F3: variants seen among roughly 807,000 people sequenced by gnomAD.
F3 encodes tissue factor.
In F3, 18 loss-of-function variants were observed where a neutral mutation model predicts 33.5. The ratio of observed to expected loss-of-function variants is 0.54; its 90% CI spans 0.37 to 0.80. The LOEUF is 0.80. Among genes scored for constraint, F3 ranks in the 30% least tolerant of loss-of-function variants. F3 has a pLI of 0.00. For synonymous variants in F3, 147 were observed against 140.7 expected, an observed-to-expected ratio of 1.05 and a Z score of -0.32; for missense variants, 353 against 362.1, an observed-to-expected ratio of 0.97 and a Z score of 0.20.
At chr1:94,531,856 C>T (rs1022415029) in intron 5 of F3, among the ~76,000 whole-genome samples, 11 of 152,192 alleles carry the variant, frequency 7.2e-5, no homozygotes, top group Non-Finnish European at 1.6e-4. Flanking sequence ...TCAATCCCTT[C>T]CCTTGATGGG....
rs765245806 is a variant in F3 at position 94,536,206 on chromosome 1, C to A, written c.213-42G>T. ...AGGAAGAAACATAAATGGAATGTTACAATTTGCACCCAACAAGATAGACTG... is the reference window on the plus strand; with the variant it reads ...AGGAAGAAACATAAATGGAATGTTAAAATTTGCACCCAACAAGATAGACTG... On this transcript the variant is annotated intron_variant, in intron 2 of 5. Transcript: ENST00000334047. 1.3e-5 allele frequency: 20 copies of A among 1,579,188 alleles called. No homozygotes were observed. In the South Asian group the frequency reaches 1.9e-4, roughly 15 times the overall value.
chr1:94,538,404 G>C (rs1204679124), intron 2 of F3, among the ~76,000 whole-genome samples: 1 of 152,258 alleles, frequency 6.6e-6, no homozygotes, highest in Non-Finnish European at 1.5e-5. Context: ...CACAGCAGTA[G>C]TGTCCTGCGG....
Position 94,533,265 on chromosome 1 carries a change from T to C in F3, c.416A>G (p.Asn139Ser), listed in dbSNP as rs752742551. 15 of 1,609,676 alleles carry C rather than the reference T, an allele frequency of 9.3e-6. No individual in the cohort carries two copies. In the African/African-American group the frequency reaches 2.0e-4, roughly 22 times the overall value. ...ACTCTGAATTGTTGGCTGTCCGAGG[T>C]TTGCTGAAACAAAGGAAATGAGCTT... is the stretch of plus-strand genomic sequence containing the variant. ...SPEFTPYLETNLGQPTIQSFE... is the reference protein window; with the variant it reads ...SPEFTPYLETSLGQPTIQSFE... The change falls in exon 4 of 6, where the codon AAC (asparagine) becomes AGC (serine). Residue 139 changes from asparagine (N) to serine (S), a missense_variant. By Grantham distance (46) the Asn-to-Ser change is conservative (BLOSUM62 1). Transcript: ENST00000334047.
At chr1:94,533,537 A>C (rs1021660097) in intron 3 of F3, among the ~76,000 whole-genome samples, 2 of 152,212 alleles carry the variant, frequency 1.3e-5, no homozygotes, top group African/African-American at 4.8e-5. Context: ...GAACAGGTGA[A>C]ATTAATTTTA....
In F3 at chr1:94,529,813, C is replaced by T. The variant is rs1651361230; in HGVS notation, c.*647G>A. The T allele has an allele frequency of 1.3e-5, 2 of 152,126 alleles. No homozygotes were observed. Among genetic ancestry groups the T allele is most frequent in the Non-Finnish European group, 2.9e-5 (2 of 68,062 alleles). The allele number at this position is 152,126 out of a possible 1,614,324, so 9.4% of individuals were successfully genotyped here. A position where few individuals can be genotyped will look rare whatever the true frequency, so the allele number is the denominator to read the frequency against. On this transcript the variant is annotated 3_prime_UTR_variant, in exon 6 of 6. Transcript: ENST00000334047. ...TTTCGGCTGGGCATGGTGGTTCACG[C>T]CCATAATACTAGCACTTTGGGAGGC...
At position 94,540,334 on chromosome 1, in the gene F3, A is replaced by G. The variant is rs763070336; in HGVS notation, c.135T>C (p.Thr45=). 1.2e-6 allele frequency: 2 copies of G among 1,613,924 alleles called. No homozygotes were observed. Among genetic ancestry groups the G allele is most frequent in the African/African-American group, 2.7e-5 (2 of 74,920 alleles). ...TTNTVAAYNL[T]WKSTNFKTIL... ...TTGTCTTGAAATTAGTTGATTTCCAAGTTAAATTATATGCTGCCACAGTAT... is the reference window on the plus strand; with the variant it reads ...TTGTCTTGAAATTAGTTGATTTCCAGGTTAAATTATATGCTGCCACAGTAT... The change falls in exon 2 of 6, where the codon ACT becomes ACC. Residue 45 remains threonine, a synonymous_variant. Coordinates refer to ENST00000334047, the MANE Select transcript of F3 (RefSeq NM_001993.5).
At chr1:94,533,373 A>T (rs540354761) in intron 3 of F3, 105 bp from the exon 4 acceptor site, 2 of 1,353,884 alleles carry the variant, frequency 1.5e-6, no homozygotes, top group South Asian at 2.6e-5. Flanking sequence ...CATATAAAAC[A>T]TGTGCATAGA....
Position 94,541,737 on chromosome 1 carries a change from G to A in F3, c.-101C>T, listed in dbSNP as rs530178458. On this transcript the variant is annotated 5_prime_UTR_variant, in exon 1 of 6. Coordinates refer to ENST00000334047, the MANE Select transcript of F3 (RefSeq NM_001993.5). The stretch of plus-strand genomic sequence containing the variant: ...TGGGCCGGCCAGAGGGAGTGCGAGG[G>A]GGTGCGGGGAGCTCGCAGTCTTGGG... The A allele has an allele frequency of 6.3e-6, 4 of 637,674 alleles. No individual in the cohort carries two copies. Among genetic ancestry groups the A allele is most frequent in the Admixed American group, 8.7e-5 (2 of 23,030 alleles). 39.5% of individuals were successfully genotyped at this position (637,674 alleles called of 1,614,324 possible).
intron 2 of F3, among the ~76,000 whole-genome samples, chr1:94,538,369 T>C (rs1031044179): frequency 1.6e-4 from 24 of 152,228 alleles, no homozygotes; most frequent in Admixed American, 1.1e-3. Context: ...AAAAATGCAG[T>C]TGGAGTTCCA....
intron 3 of F3, among the ~76,000 whole-genome samples, chr1:94,535,203 C>A (rs187638047): frequency 1.3e-5 from 2 of 152,286 alleles, no homozygotes; most frequent in East Asian, 1.9e-4. Flanking sequence ...AACCAGCTGG[C>A]CTTACAAGAG....
At position 94,532,363 on chromosome 1, in the gene F3, T is replaced by C. The variant is rs200768220; in HGVS notation, c.709A>G (p.Ser237Gly). The change falls in exon 5 of 6, where the codon AGC becomes GGC. Residue 237 changes from serine (S) to glycine (G), a missense_variant. Ser to Gly is a moderately conservative substitution (Grantham distance 56, BLOSUM62 0). Coordinates refer to ENST00000334047, the MANE Select transcript of F3 (RefSeq NM_001993.5). ...SRTVNRKSTD[S>G]PVECMGQEKG... ...TCCTGGCCCATACACTCTACCGGGCTGTCTGTACTCTTCCGGTTAACTGTT... is the reference window on the plus strand; with the variant it reads ...TCCTGGCCCATACACTCTACCGGGCCGTCTGTACTCTTCCGGTTAACTGTT... 1.4e-5 allele frequency: 23 copies of C among 1,614,218 alleles called. No individual in the cohort carries two copies. The East Asian group carries it at 4.5e-4, about 31-fold the overall frequency.
In F3 at chr1:94,538,827, T is replaced by C. The variant is rs530680187; in HGVS notation, c.212+1430A>G. On this transcript the variant is annotated intron_variant, in intron 2 of 5. Coordinates refer to ENST00000334047, the MANE Select transcript of F3 (RefSeq NM_001993.5). Reference sequence around the variant, plus strand: ...ATGGAAAAGCTCCCAGGCCCTCCAGTACAGCAGCAAGAGATTGTTCAGTCC... The same window carrying C: ...ATGGAAAAGCTCCCAGGCCCTCCAGCACAGCAGCAAGAGATTGTTCAGTCC... Among the ~76,000 whole-genome samples the C allele has an allele frequency of 8.5e-5, 13 of 152,288 alleles. No individual in the cohort carries two copies. In the South Asian group the frequency reaches 2.7e-3, roughly 32 times the overall value.
At chr1:94,532,928 G>T in intron 4 of F3, 162 bp downstream of exon 4, 1 of 693,614 alleles carries the variant, frequency 1.4e-6, no homozygotes, top group Non-Finnish European at 2.4e-6. Flanking sequence ...GTAGGACCAG[G>T]CCTGTTGTCC....
intron 2 of F3, among the ~76,000 whole-genome samples, chr1:94,539,789 G>A (rs1020765688): frequency 6.6e-6 from 1 of 152,132 alleles, no homozygotes; most frequent in Non-Finnish European, 1.5e-5. Flanking sequence ...ACCAGATTTC[G>A]ATTCATGGAG....
At position 94,530,584 on chromosome 1, in the gene F3, A is replaced by C; in HGVS notation, c.764T>G (p.Ile255Ser). ...GACCACAAATACCACAGCTCCAATG[A>C]TGTAGAATATTTCTGAAAAATAAAG... Reference protein sequence around the residue: ...EKGEFREIFYIIGAVVFVVII... With the variant: ...EKGEFREIFYSIGAVVFVVII... Residue 255 changes from isoleucine to serine, a missense_variant, in exon 6 of 6, where the codon ATC becomes AGC. Physicochemically the swap from Ile to Ser is moderately radical, Grantham distance 142. Transcript: ENST00000334047. 6.2e-7 allele frequency: 1 copy of C among 1,614,098 alleles called. No individual in the cohort carries two copies. Among genetic ancestry groups the C allele is most frequent in the Non-Finnish European group, 8.5e-7 (1 of 1,180,026 alleles).
intron 4 of F3, 105 bp downstream of exon 4, chr1:94,532,985 C>A: frequency 8.3e-7 from 1 of 1,205,790 alleles, no homozygotes; most frequent in Non-Finnish European, 1.2e-6. Context: ...ATCACCTTCT[C>A]AACAACTCTG....
intron 3 of F3, among the ~76,000 whole-genome samples, chr1:94,534,145 G>T (rs1651522601): frequency 6.6e-6 from 1 of 152,132 alleles, no homozygotes; most frequent in Non-Finnish European, 1.5e-5. Flanking sequence ...GAGATTACAG[G>T]CACGAGCCAC....
intron 3 of F3, among the ~76,000 whole-genome samples, chr1:94,533,818 T>C (rs1251790211): frequency 2.0e-5 from 3 of 152,028 alleles, no homozygotes; most frequent in Non-Finnish European, 4.4e-5. Context: ...TTCCTTATAA[T>C]TCTTTCTCTT....
intron 2 of F3, among the ~76,000 whole-genome samples, chr1:94,538,731 CCT>C (rs1457199272): frequency 1.3e-5 from 2 of 152,324 alleles, no homozygotes; most frequent in Admixed American, 1.3e-4. Flanking sequence ...CTGCTCTGGT[CCT>C]TTTTAACCAG....
Sources: gnomAD v4.1 joint callset for allele counts (sites outside exome capture counted in the v4.1 genomes callset) on GRCh38, gnomAD v4.1.1 for gene constraint, MANE v1.5 for transcripts, NCBI Gene and HGNC (gene_info 2026-07-23, HGNC 2026-07-21) for gene names.